PCDHA6: variants seen among roughly 807,000 people sequenced by gnomAD.
PCDHA6 encodes protocadherin alpha-6.
PCDHA6 carries 55 observed loss-of-function variants against 60.3 expected under a neutral mutation model. That is an observed-to-expected ratio of 0.91 (90% CI 0.73 to 1.14). The LOEUF is 1.14. Among genes scored for constraint, PCDHA6 ranks in the 50% most tolerant of loss-of-function variants. The pLI, the probability that PCDHA6 is intolerant of heterozygous loss-of-function variation, is 0.00. For missense variants in PCDHA6, 1,327 were observed against 1,256.5 expected, an observed-to-expected ratio of 1.06 and a Z score of -0.85; for synonymous variants, 652 against 557.9, an observed-to-expected ratio of 1.17 and a Z score of -2.38.
At chr5:140,974,779 C>T (rs950634910) in intron 1 of PCDHA6, among the ~76,000 whole-genome samples, 1 of 152,160 alleles carries the variant, frequency 6.6e-6, no homozygotes, top group African/African-American at 2.4e-5. Context: ...TGAGCCACTG[C>T]GCCCAGCCCT....
intron 1 of PCDHA6, among the ~76,000 whole-genome samples, chr5:140,933,464 A>G (rs1257783133): frequency 1.3e-5 from 2 of 152,074 alleles, no homozygotes; most frequent in African/African-American, 4.8e-5. Flanking sequence ...TATACTCTGA[A>G]TTCAAACACA....
intron 3 of PCDHA6, among the ~76,000 whole-genome samples, chr5:140,993,462 T>TCTCA (rs1235362335): frequency 6.4e-5 from 9 of 140,938 alleles, no homozygotes; most frequent in African/African-American, 2.1e-4. Context: ...TCTTTCTTTC[T>TCTCA]CACACACACA....
Position 140,941,114 on chromosome 5 carries a change from T to G in PCDHA6, c.2395-37835T>G, listed in dbSNP as rs193134067. ...TTTCACATACTATTACTGGAAAGAT[T>G]AGTCCTTTGAAGTTCCAGCTTAATG... On this transcript the variant is annotated intron_variant, in intron 1 of 3. Coordinates refer to ENST00000529310, the MANE Select transcript of PCDHA6 (RefSeq NM_018909.4). Among the ~76,000 whole-genome samples, 307 of 152,230 alleles carry G rather than the reference T, an allele frequency of 2.0e-3. 3 individuals carry two copies. Among genetic ancestry groups the G allele is most frequent in the African/African-American group, 7.2e-3 (299 of 41,546 alleles).
intron 1 of PCDHA6, chr5:140,871,293 G>A (rs1206433527): frequency 6.2e-7 from 1 of 1,613,794 alleles, no homozygotes; most frequent in Non-Finnish European, 8.5e-7. Context: ...CTGAGGGCGC[G>A]TGCGCGCCGG....
chr5:140,975,612 C>T (rs1554236918), intron 1 of PCDHA6, among the ~76,000 whole-genome samples: 1 of 152,194 alleles, frequency 6.6e-6, no homozygotes, highest in Non-Finnish European at 1.5e-5. Flanking sequence ...ATGTCTTCCA[C>T]ATGGATTTCC....
At chr5:140,856,609 A>G in intron 1 of PCDHA6, 1 of 1,598,102 alleles carries the variant, frequency 6.3e-7, no homozygotes, top group Non-Finnish European at 8.6e-7. Context: ...AAAAAGACAA[A>G]GACAAATTCC....
At chr5:140,914,944 C>CTTTT (rs35695909) in intron 1 of PCDHA6, among the ~76,000 whole-genome samples, 1 of 128,266 alleles carries the variant, frequency 7.8e-6, no homozygotes, top group South Asian at 2.5e-4. Context: ...GAAAAGTTGT[C>CTTTT]TTTTTTTTTT....
chr5:140,869,613 C>T (rs369176341), intron 1 of PCDHA6: 402 of 1,613,826 alleles, frequency 2.5e-4, no homozygotes, highest in Non-Finnish European at 3.3e-4. Context: ...TATTGACCTA[C>T]AGGCTAAGTA....
intron 3 of PCDHA6, among the ~76,000 whole-genome samples, chr5:141,004,253 C>G (rs1460798910): frequency 6.6e-6 from 1 of 152,200 alleles, no homozygotes; most frequent in Non-Finnish European, 1.5e-5. Flanking sequence ...TTTTGTTTTA[C>G]TGGAATGAGT....
chr5:140,980,504 C>G (rs1440940887), intron 2 of PCDHA6, among the ~76,000 whole-genome samples: 4 of 152,122 alleles, frequency 2.6e-5, no homozygotes, highest in Non-Finnish European at 5.9e-5. Flanking sequence ...ATGGCATGTG[C>G]CTGTAGTTCC....
chr5:140,937,869 G>C (rs1268422806), intron 1 of PCDHA6, among the ~76,000 whole-genome samples: 1 of 150,376 alleles, frequency 6.6e-6, no homozygotes, highest in South Asian at 2.1e-4. Context: ...CCGAGATCGC[G>C]CCACTGCACT....
chr5:140,976,378 C>G (rs908008970), intron 1 of PCDHA6, among the ~76,000 whole-genome samples: 2 of 151,926 alleles, frequency 1.3e-5, no homozygotes, highest in Non-Finnish European at 2.9e-5. Flanking sequence ...TGGTGAAACC[C>G]CATCTCTACT....
At chr5:140,881,471 G>T (rs1420508750) in intron 1 of PCDHA6, 1 of 555,772 alleles carries the variant, frequency 1.8e-6, no homozygotes, top group Non-Finnish European at 2.3e-6. Flanking sequence ...CATTGTTGTG[G>T]CTAAATTATT....
chr5:140,990,977 G>T (rs1554251868), intron 3 of PCDHA6, among the ~76,000 whole-genome samples: 1 of 152,156 alleles, frequency 6.6e-6, no homozygotes, highest in African/African-American at 2.4e-5. Context: ...CAAGAGAAAG[G>T]AAGACAATAG....
Position 140,857,729 on chromosome 5 carries a change from G to T in PCDHA6, c.2394+27244G>T, listed in dbSNP as rs782508750. 3 of 1,597,292 alleles carry T rather than the reference G, an allele frequency of 1.9e-6. No homozygotes were observed. In the East Asian group the frequency reaches 6.7e-5, roughly 36 times the overall value. On this transcript the variant is annotated intron_variant, in intron 1 of 3. Coordinates refer to ENST00000529310, the MANE Select transcript of PCDHA6 (RefSeq NM_018909.4). ...GTTCGTGCTGGACGAGAACGACAACGCTCCCGCGCTGCTGGCGTCTCCCGC... is the reference window on the plus strand; with the variant it reads ...GTTCGTGCTGGACGAGAACGACAACTCTCCCGCGCTGCTGGCGTCTCCCGC...
chr5:140,874,695 T>C (rs1278085784), intron 1 of PCDHA6, among the ~76,000 whole-genome samples: 1 of 152,228 alleles, frequency 6.6e-6, no homozygotes, highest in East Asian at 1.9e-4. Flanking sequence ...TAACATGTTA[T>C]GGAAATGAGA....
chr5:140,853,035 T>C (rs1292351508), intron 1 of PCDHA6: 9 of 256,094 alleles, frequency 3.5e-5, no homozygotes, highest in South Asian at 1.5e-4. Context: ...CCTGCCACCA[T>C]GCCCGCCTAA....
chr5:140,882,482 G>A, intron 1 of PCDHA6: 1 of 1,614,048 alleles, frequency 6.2e-7, no homozygotes, highest in South Asian at 1.1e-5. Context: ...CAAAAGACAC[G>A]GGGACCTTCT....
intron 1 of PCDHA6, chr5:140,927,356 G>C: frequency 6.2e-7 from 1 of 1,614,076 alleles, no homozygotes. Context: ...GACGAGGGAA[G>C]CAATGGGATA....
Sources: gnomAD v4.1 joint callset for allele counts (sites outside exome capture counted in the v4.1 genomes callset) on GRCh38, gnomAD v4.1.1 for gene constraint, MANE v1.5 for transcripts, NCBI Gene and HGNC (gene_info 2026-07-23, HGNC 2026-07-21) for gene names.